The following STK3 variants were observed in gnomAD, a reference collection of about 807,000 sequenced individuals.
STK3 encodes the protein serine/threonine kinase 3.
Under a neutral mutation model 58.0 loss-of-function variants are expected in STK3, and 41 were observed. The ratio of observed to expected loss-of-function variants is 0.71; its 90% CI spans 0.55 to 0.92. STK3 has a LOEUF of 0.92. Ranked by LOEUF, STK3 falls within the 40% of genes least tolerant of loss-of-function variation. The pLI, the probability that STK3 is intolerant of heterozygous loss-of-function variation, is 0.00. For synonymous variants in STK3, 170 were observed against 191.0 expected, an observed-to-expected ratio of 0.89 and a Z score of 0.91; for missense variants, 479 against 602.7, an observed-to-expected ratio of 0.79 and a Z score of 2.15.
Position 98,599,014 on chromosome 8 carries a change from C to T in STK3, c.685-2845G>A, listed in dbSNP as rs372031300. On this transcript the variant is annotated intron_variant, in intron 6 of 10. Coordinates refer to ENST00000419617, the MANE Select transcript of STK3 (RefSeq NM_006281.4). ...AAAATGAGAATCAACAATGACTGAA[C>T]TTTATAATCTCAGTGGAATGAGTCA... 205 of 518,148 alleles carry T rather than the reference C, an allele frequency of 4.0e-4. No homozygotes were observed. In the African/African-American group the frequency reaches 4.0e-3, roughly 10 times the overall value. The allele number at this position is 518,148 out of a possible 1,614,324, so 32.1% of individuals were successfully genotyped here.
intron 10 of STK3, among the ~76,000 whole-genome samples, chr8:98,505,474 C>T (rs1041623612): frequency 6.6e-6 from 1 of 152,110 alleles, no homozygotes; most frequent in Non-Finnish European, 1.5e-5. Flanking sequence ...AAGAGGTGCT[C>T]TTGTTTTTAG....
At chr8:98,874,724 T>C (rs941968822) in intron 3 of STK3, among the ~76,000 whole-genome samples, 27 of 152,004 alleles carry the variant, frequency 1.8e-4, no homozygotes, top group African/African-American at 6.5e-4. Flanking sequence ...ACTCCTGGTC[T>C]CAAGCAATCC....
intron 2 of STK3, among the ~76,000 whole-genome samples, chr8:98,375,636 A>G (rs1389497513): frequency 6.6e-6 from 1 of 151,594 alleles, no homozygotes. Context: ...CAAGAATGTC[A>G]TGTCAATGGA....
chr8:98,727,705 T>C (rs1352256118), intron 4 of STK3, among the ~76,000 whole-genome samples: 3 of 152,216 alleles, frequency 2.0e-5, no homozygotes, highest in African/African-American at 7.2e-5. Context: ...GAAAGAAAAG[T>C]AGAATAAACA....
intron 6 of STK3, among the ~76,000 whole-genome samples, chr8:98,696,935 C>A (rs1456623978): frequency 2.0e-5 from 3 of 152,170 alleles, no homozygotes; most frequent in Admixed American, 6.5e-5. Flanking sequence ...AGGAATGGTA[C>A]CAATTCCTCC....
intron 1 of STK3, among the ~76,000 whole-genome samples, chr8:98,817,326 C>T (rs891042034): frequency 6.6e-6 from 1 of 152,122 alleles, no homozygotes; most frequent in East Asian, 1.9e-4. Context: ...TGGTGGCACA[C>T]GCCCGTAGTC....
At chr8:98,765,243 T>C (rs1422330824) in intron 3 of STK3, among the ~76,000 whole-genome samples, 1 of 152,226 alleles carries the variant, frequency 6.6e-6, no homozygotes, top group East Asian at 1.9e-4. Flanking sequence ...TATCAAATTG[T>C]GGGAACCACA....
chr8:98,375,501 G>A (rs10105016), intron 2 of STK3, among the ~76,000 whole-genome samples: 95,904 of 151,866 alleles, frequency 0.63, 31,059 homozygotes, highest in Non-Finnish European at 0.69. Context: ...ACTATAATCA[G>A]GATACTGAAC....
chr8:98,782,487 C>A, intron 1 of STK3: 1 of 280,906 alleles, frequency 3.6e-6, no homozygotes, highest in African/African-American at 2.3e-5. Flanking sequence ...GGCACACAGA[C>A]CCACAAGATG....
intron 1 of STK3, among the ~76,000 whole-genome samples, chr8:98,885,913 A>G (rs1837971062): frequency 1.3e-5 from 2 of 152,310 alleles, no homozygotes; most frequent in African/African-American, 2.4e-5. Context: ...AACTCCTCCA[A>G]TGGATCTCAA....
At chr8:98,739,503 A>G (rs935967307) in intron 4 of STK3, among the ~76,000 whole-genome samples, 81 of 149,678 alleles carry the variant, frequency 5.4e-4, no homozygotes, top group African/African-American at 1.4e-3. Context: ...GTGGACCTCT[A>G]GCAAACTCCA....
intron 8 of STK3, among the ~76,000 whole-genome samples, chr8:98,560,101 A>C (rs1449643435): frequency 6.6e-6 from 1 of 152,132 alleles, no homozygotes; most frequent in African/African-American, 2.4e-5. Flanking sequence ...GGCAATTACC[A>C]TGTCTTATTT....
intron 3 of STK3, among the ~76,000 whole-genome samples, chr8:98,862,573 T>C (rs1184369428): frequency 6.6e-6 from 1 of 152,250 alleles, no homozygotes; most frequent in Non-Finnish European, 1.5e-5. Flanking sequence ...AATGGGTTTT[T>C]CATTTGGAGA....
intron 1 of STK3, among the ~76,000 whole-genome samples, chr8:98,902,435 C>T (rs900649816): frequency 3.9e-5 from 6 of 152,312 alleles, no homozygotes; most frequent in African/African-American, 1.4e-4. Flanking sequence ...TCCCTTCATT[C>T]AGTGCTACTC....
chr8:98,895,015 A>C (rs529926942), intron 1 of STK3, among the ~76,000 whole-genome samples: 31 of 152,326 alleles, frequency 2.0e-4, no homozygotes, highest in African/African-American at 6.5e-4. Flanking sequence ...ACTAACTATG[A>C]TGCAATGGGA....
intron 1 of STK3, among the ~76,000 whole-genome samples, chr8:98,922,903 A>G (rs1839624150): frequency 6.6e-6 from 1 of 152,164 alleles, no homozygotes; most frequent in African/African-American, 2.4e-5. Flanking sequence ...TATTTCCTCT[A>G]TTATGTTTAT....
chr8:98,459,689 C>A lies in STK3; in HGVS notation c.1318-3689G>T, dbSNP rs552588805. On this transcript the variant is annotated intron_variant, in intron 10 of 10. Coordinates refer to ENST00000419617, the MANE Select transcript of STK3 (RefSeq NM_006281.4). ...TCTGTGCAGCCTTGAGACATGGCACCCTGCATCCCAGCCATTTCAGTTCCA... is the reference window on the plus strand; with the variant it reads ...TCTGTGCAGCCTTGAGACATGGCACACTGCATCCCAGCCATTTCAGTTCCA... Among the ~76,000 whole-genome samples, 9 of 152,348 alleles carry A rather than the reference C, an allele frequency of 5.9e-5. No homozygotes were observed. The South Asian group carries it at 1.9e-3, about 32-fold the overall frequency.
chr8:98,834,363 T>C (rs546825150), intron 3 of STK3, among the ~76,000 whole-genome samples: 1 of 152,354 alleles, frequency 6.6e-6, no homozygotes, highest in Admixed American at 6.5e-5. Flanking sequence ...TCTACTTATA[T>C]TAATTTTGTC....
Position 98,808,157 on chromosome 8 carries a change from A to T in STK3, c.26+17358T>A, listed in dbSNP as rs139251194. Among the ~76,000 whole-genome samples, 1,067 of 152,376 alleles carry T rather than the reference A, an allele frequency of 7.0e-3. 9 individuals are homozygous for T. The highest frequency in any genetic ancestry group is 0.024 in the African/African-American group (1,002 of 41,596). ...AATGAAATTAAGATGAAAGTACATA[A>T]GGCAGCACCTCTTCCTAACAGCCAC... On this transcript the variant is annotated intron_variant, in intron 1 of 10. Coordinates refer to ENST00000419617, the MANE Select transcript of STK3 (RefSeq NM_006281.4).
Sources: gnomAD v4.1 joint callset for allele counts (sites outside exome capture counted in the v4.1 genomes callset) on GRCh38, gnomAD v4.1.1 for gene constraint, MANE v1.5 for transcripts, NCBI Gene and HGNC (gene_info 2026-07-23, HGNC 2026-07-21) for gene names.